Variants in DENND2B observed in about 807,000 individuals in gnomAD.
The protein encoded by DENND2B is DENN domain-containing protein 2B.
A neutral mutation model predicts 116.0 loss-of-function variants in DENND2B; 32 were observed. That is an observed-to-expected ratio of 0.28 (90% CI 0.21 to 0.37). The LOEUF (loss-of-function observed/expected upper bound fraction) is 0.37. Among genes scored for constraint, DENND2B ranks in the 10% least tolerant of loss-of-function variants. DENND2B has a pLI of 1.00. For synonymous variants in DENND2B, 588 were observed against 583.9 expected, an observed-to-expected ratio of 1.01 and a Z score of -0.10; for missense variants, 1,276 against 1,477.7, an observed-to-expected ratio of 0.86 and a Z score of 2.24.
At chr11:8,754,156 A>G (rs1456336112) in intron 1 of DENND2B, among the ~76,000 whole-genome samples, 3 of 152,148 alleles carry the variant, frequency 2.0e-5, no homozygotes, top group Admixed American at 1.3e-4. Flanking sequence ...ATAATGGGAG[A>G]AATTTTTTGC....
intron 1 of DENND2B, among the ~76,000 whole-genome samples, chr11:8,775,867 A>G (rs2057554520): frequency 6.6e-6 from 1 of 152,172 alleles, no homozygotes; most frequent in African/African-American, 2.4e-5. Context: ...GTTAAACAGT[A>G]TTATTGTATG....
chr11:8,730,276 T>G lies in DENND2B; in HGVS notation c.1014A>C (p.Ala338=). ...CCCCCGCAACACCAGCCACTCCGAC[T>G]GCCCGGCTGCCAGCGCTCACACTCG... ...GGASVSAGSR[A]VGVAGVAGEA... is the part of the protein sequence containing the mutation. Residue 338 remains alanine (A), a synonymous_variant, in exon 3 of 20, where the codon GCA becomes GCC. Coordinates refer to ENST00000313726, the MANE Select transcript of DENND2B (RefSeq NM_213618.2). The surrounding 1 kb of genome is among the most constrained non-coding windows in gnomAD (Gnocchi z 4.1). 1 of 1,609,754 alleles carries G rather than the reference T, an allele frequency of 6.2e-7. No homozygotes were observed. Among genetic ancestry groups the G allele is most frequent in the South Asian group, 1.1e-5 (1 of 90,914 alleles).
intron 1 of DENND2B, among the ~76,000 whole-genome samples, chr11:8,771,078 C>G (rs2056764902): frequency 6.6e-6 from 1 of 152,184 alleles, no homozygotes; most frequent in South Asian, 2.1e-4. Flanking sequence ...TCACAAGCAC[C>G]TACCCTTTAC....
At chr11:8,851,472 A>G (rs1260190642) in intron 3 of DENND2B, among the ~76,000 whole-genome samples, 1 of 152,214 alleles carries the variant, frequency 6.6e-6, no homozygotes, top group Non-Finnish European at 1.5e-5. Context: ...AGATTTGCAA[A>G]TACCGATTAT....
chr11:8,730,901 G>A lies in DENND2B; in HGVS notation c.389C>T (p.Ala130Val), dbSNP rs1565763330. The A allele has an allele frequency of 4.3e-6, 7 of 1,614,086 alleles. No homozygotes were observed. Among genetic ancestry groups the A allele is most frequent in the Non-Finnish European group, 5.9e-6 (7 of 1,180,042 alleles). ...CGTGCTCTGGGCAAGGGGGAGGCAG[G>A]CAGCGACCCCTGCTACATCCTGGGC... Reference protein sequence around the residue: ...GAAQDVAGVAACLPLAQSTPF... With the variant: ...GAAQDVAGVAVCLPLAQSTPF... Residue 130 changes from alanine (A) to valine (V), a missense_variant, in exon 3 of 20, where the codon GCC becomes GTC. Physicochemically the swap from Ala to Val is moderately conservative, Grantham distance 64. This residue lies in a region of DENND2B where 856 missense variants were observed against 846.6 expected (regional missense o/e 1.01). Coordinates refer to ENST00000313726, the MANE Select transcript of DENND2B (RefSeq NM_213618.2). The surrounding 1 kb of genome is among the most constrained non-coding windows in gnomAD (Gnocchi z 4.1).
intron 13 of DENND2B, among the ~76,000 whole-genome samples, chr11:8,705,282 T>A (rs2042396363): frequency 6.6e-6 from 1 of 152,150 alleles, no homozygotes; most frequent in South Asian, 2.1e-4. Context: ...CATGCAATCT[T>A]GAGAAGATGT....
chr11:8,832,762 C>G (rs2568071), intron 4 of DENND2B, among the ~76,000 whole-genome samples: 140,953 of 152,278 alleles, frequency 0.93, 66,200 homozygotes, highest in East Asian at 1. Flanking sequence ...TGGGTTCTCA[C>G]AACAAGGATT....
Position 8,697,540 on chromosome 11 carries a change from T to C in DENND2B, c.3037A>G (p.Ser1013Gly). Residue 1013 changes from serine to glycine, a missense_variant, in exon 17 of 20, where the codon AGC (serine) becomes GGC (glycine). Coordinates refer to ENST00000313726, the MANE Select transcript of DENND2B (RefSeq NM_213618.2). The stretch of plus-strand genomic sequence containing the variant: ...CTATTCTCACCATCGTCGGAGTCGC[T>C]GTCAGAGTCCTGGGAGATCAGCTCA... ...KNELISQDSD[S>G]DSDDECNTLN... 1.9e-6 allele frequency: 3 copies of C among 1,614,050 alleles called. No individual in the cohort carries two copies. The highest frequency in any genetic ancestry group is 2.5e-6 in the Non-Finnish European group (3 of 1,179,866).
chr11:8,821,828 A>G (rs574932003), intron 4 of DENND2B, among the ~76,000 whole-genome samples: 5 of 152,234 alleles, frequency 3.3e-5, no homozygotes, highest in Admixed American at 2.6e-4. Context: ...GTCTGGCTCT[A>G]TCGCCCAGGC....
In DENND2B at chr11:8,696,525, G is replaced by C. The variant is rs768876591; in HGVS notation, c.3194C>G (p.Ala1065Gly). ...AAGAAAGCGGCGGATGCTTTTGGAG[G>C]CCACAGATTTGCGGAAGGCCTCTCG... ...FQREAFRKSVASKSIRRFLEV... is the reference protein window; with the variant it reads ...FQREAFRKSVGSKSIRRFLEV... The change falls in exon 18 of 20, where the codon GCC (alanine) becomes GGC (glycine). Residue 1065 changes from alanine to glycine, a missense_variant. Physicochemically the swap from Ala to Gly is moderately conservative, Grantham distance 60. Transcript: ENST00000313726. The C allele has an allele frequency of 1.2e-6, 2 of 1,614,082 alleles. No homozygotes were observed. The highest frequency in any genetic ancestry group is 1.7e-5 in the Admixed American group (1 of 59,996).
At chr11:8,899,550 T>C (rs1349849167) in intron 1 of DENND2B, among the ~76,000 whole-genome samples, 2 of 151,972 alleles carry the variant, frequency 1.3e-5, no homozygotes, top group Non-Finnish European at 2.9e-5. Context: ...GATCAAAGTG[T>C]TTAAAGGAAA....
chr11:8,869,186 C>T (rs2063688418), intron 2 of DENND2B, among the ~76,000 whole-genome samples: 1 of 152,172 alleles, frequency 6.6e-6, no homozygotes, highest in East Asian at 1.9e-4. Flanking sequence ...CCAAGGATTT[C>T]CCTAATTACC....
At chr11:8,907,138 C>T (rs1427665329) in intron 1 of DENND2B, among the ~76,000 whole-genome samples, 2 of 152,182 alleles carry the variant, frequency 1.3e-5, no homozygotes, top group African/African-American at 4.8e-5. Context: ...AACATAGAAC[C>T]CTGACAACTA....
intron 2 of DENND2B, among the ~76,000 whole-genome samples, chr11:8,744,276 G>A (rs2050814559): frequency 6.6e-6 from 1 of 151,880 alleles, no homozygotes; most frequent in African/African-American, 2.4e-5. Flanking sequence ...TGGGATTACA[G>A]GTGTGCACCA....
intron 4 of DENND2B, chr11:8,719,228 G>C (rs2045693288): frequency 1.0e-6 from 1 of 985,320 alleles, no homozygotes; most frequent in Non-Finnish European, 1.2e-6. Context: ...ATCCCTATAT[G>C]CTTGCAGATT....
chr11:8,756,315 A>T (rs1246772708), intron 1 of DENND2B, among the ~76,000 whole-genome samples: 1 of 152,266 alleles, frequency 6.6e-6, no homozygotes, highest in African/African-American at 2.4e-5. Flanking sequence ...ACACAGAGCC[A>T]ACTTACTAAG....
At chr11:8,817,531 C>T (rs1035899114) in intron 4 of DENND2B, among the ~76,000 whole-genome samples, 12 of 152,126 alleles carry the variant, frequency 7.9e-5, no homozygotes, top group Non-Finnish European at 1.5e-4. Context: ...CACCAGCACC[C>T]CACCCCTGAC....
chr11:8,890,365 G>A (rs1417565791), intron 1 of DENND2B, among the ~76,000 whole-genome samples: 4 of 152,134 alleles, frequency 2.6e-5, no homozygotes, highest in East Asian at 1.9e-4. Flanking sequence ...GAAGCTCCTC[G>A]CCAGCAACAG....
chr11:8,698,670 A>AG (rs1436946202), intron 16 of DENND2B, among the ~76,000 whole-genome samples: 1 of 152,220 alleles, frequency 6.6e-6, no homozygotes, highest in Non-Finnish European at 1.5e-5. Flanking sequence ...AAGGGGGCAA[A>AG]GTCCAGTGGC....
Sources: gnomAD v4.1 joint callset for allele counts (sites outside exome capture counted in the v4.1 genomes callset) on GRCh38, gnomAD v4.1.1 for gene constraint, gnomAD v4.1.1 regional missense constraint, Gnocchi (gnomAD v3.1) non-coding constraint, MANE v1.5 for transcripts, NCBI Gene and HGNC (gene_info 2026-07-23, HGNC 2026-07-21) for gene names.